Variants in LRRFIP1 observed in about 807,000 individuals in gnomAD.
The protein encoded by LRRFIP1 is LRR binding FLII interacting protein 1, also known as leucine-rich repeat flightless-interacting protein 1.
In LRRFIP1, 62 loss-of-function variants were observed where a neutral mutation model predicts 104.4. That is an observed-to-expected ratio of 0.59 (90% CI 0.48 to 0.73). LRRFIP1 has a LOEUF of 0.73. Ranked by LOEUF, LRRFIP1 falls within the 30% of genes least tolerant of loss-of-function variation. The pLI, the probability that LRRFIP1 is intolerant of heterozygous loss-of-function variation, is 0.00. For missense variants in LRRFIP1, 796 were observed against 824.5 expected (o/e 0.97, Z 0.42); for synonymous variants, 300 against 299.0 (o/e 1.00, Z -0.03).
chr2:237,643,906 T>C (rs2084445840), intron 1 of LRRFIP1, among the ~76,000 whole-genome samples: 1 of 152,234 alleles, frequency 6.6e-6, no homozygotes, highest in Non-Finnish European at 1.5e-5. Flanking sequence ...AGGTGTGGGT[T>C]CTCAGAAATG....
Position 237,649,611 on chromosome 2 carries a change from TG to T in LRRFIP1, c.96+21872del, listed in dbSNP as rs2085565875. 6.6e-6 allele frequency among the ~76,000 whole-genome samples: 1 copy of T among 152,016 alleles called. No homozygotes were observed. Among genetic ancestry groups the T allele is most frequent in the Non-Finnish European group, 1.5e-5 (1 of 67,950 alleles). On this transcript the variant is annotated intron_variant, in intron 1 of 23. Coordinates refer to ENST00000308482, the MANE Select transcript of LRRFIP1 (RefSeq NM_001137550.2). The surrounding 1 kb of genome is among the most constrained non-coding windows in gnomAD (Gnocchi z 4.1). ...CCCAATATAACTTTCACAGGTGTTT[TG>T]TTTTTCTGAGAAGAAGGTGACTTTT...
At position 237,717,007 on chromosome 2, in the gene LRRFIP1, AT is replaced by A. The variant is rs892364820; in HGVS notation, c.202-747del. Among the ~76,000 whole-genome samples the A allele has an allele frequency of 6.6e-6, 1 of 151,046 alleles. No individual in the cohort carries two copies. Among genetic ancestry groups the A allele is most frequent in the South Asian group, 2.1e-4 (1 of 4,806 alleles). ...GTAAACTCTTTTAAAACATTATGAA[AT>A]TTTTTTTGCAATTTTTTTTTTTTAG... On this transcript the variant is annotated intron_variant, in intron 3 of 23. Transcript: ENST00000308482. This position sits in a 1 kb window ranked among gnomAD's most constrained non-coding sequence, Gnocchi z 4.2.
chr2:237,772,999 T>G, intron 22 of LRRFIP1, 54 bp downstream of exon 22: 1 of 1,439,484 alleles, frequency 6.9e-7, no homozygotes, highest in Non-Finnish European at 9.8e-7. Context: ...TTTTACTTGC[T>G]AGAAATAGCC....
chr2:237,727,441 C>A (rs750597981), intron 7 of LRRFIP1, among the ~76,000 whole-genome samples: 21 of 152,088 alleles, frequency 1.4e-4, no homozygotes, highest in Non-Finnish European at 2.5e-4. Flanking sequence ...TTCAAAGACC[C>A]TGAACCAGGA....
chr2:237,662,146 C>T (rs1162325023), intron 1 of LRRFIP1, among the ~76,000 whole-genome samples: 1 of 119,988 alleles, frequency 8.3e-6, no homozygotes, highest in Non-Finnish European at 1.7e-5. Flanking sequence ...TGCTGGCAGC[C>T]CTCGGCCCTC....
At chr2:237,676,849 A>G (rs898767977) in intron 1 of LRRFIP1, among the ~76,000 whole-genome samples, 4 of 152,188 alleles carry the variant, frequency 2.6e-5, no homozygotes, top group African/African-American at 9.7e-5. Context: ...GCCTTCTCTG[A>G]AAGTTTCTCT....
intron 1 of LRRFIP1, among the ~76,000 whole-genome samples, chr2:237,672,855 A>G (rs1301952002): frequency 1.3e-5 from 2 of 152,208 alleles, no homozygotes; most frequent in Non-Finnish European, 2.9e-5. Context: ...TAACCTCTCA[A>G]TTTGAGTCAT....
chr2:237,636,352 C>CTTTTT (rs59582281), intron 1 of LRRFIP1, among the ~76,000 whole-genome samples: 113 of 124,164 alleles, frequency 9.1e-4, no homozygotes, highest in East Asian at 1.4e-3. Flanking sequence ...CCTTTCTTTT[C>CTTTTT]TTTTTTTTTT....
rs138141222 is a variant in LRRFIP1, at chr2:237,758,223, A to AGTGT, written c.1225-487_1225-484dup. Among the ~76,000 whole-genome samples the AGTGT allele has an allele frequency of 1.0e-3, 152 of 149,720 alleles. 1 individual carries two copies. The highest frequency in any genetic ancestry group is 6.9e-3 in the Middle Eastern group (2 of 290). On this transcript the variant is annotated intron_variant, in intron 17 of 23. Coordinates refer to ENST00000308482, the MANE Select transcript of LRRFIP1 (RefSeq NM_001137550.2). ...ACTGTCACGCTCATCAGCACTTAGG[A>AGTGT]GTGTGTGTGTGTGTGTGTGTGTCTG...
Position 237,627,669 on chromosome 2 carries a change from G to C in LRRFIP1, c.25G>C (p.Gly9Arg), listed in dbSNP as rs2081739429. The change falls in exon 1 of 24, where the codon GGG becomes CGG. Residue 9 changes from glycine (G) to arginine (R), a missense_variant. Gly to Arg is a moderately radical substitution (Grantham distance 125, BLOSUM62 -2). Transcript: ENST00000308482. MDMGTQGS[G>R]RKRLPNRERL... ...GATGGACATGGGCACCCAGGGATCG[G>C]GGCGCAAGCGGCTCCCCAACCGGGA... 7.3e-7 allele frequency: 1 copy of C among 1,366,244 alleles called. No homozygotes were observed. Among genetic ancestry groups the C allele is most frequent in the Non-Finnish European group, 9.5e-7 (1 of 1,047,206 alleles). 84.6% of individuals were successfully genotyped at this position (1,366,244 alleles called of 1,614,324 possible).
chr2:237,690,975 C>T (rs925348412), intron 1 of LRRFIP1, among the ~76,000 whole-genome samples: 31 of 150,748 alleles, frequency 2.1e-4, no homozygotes, highest in African/African-American at 6.7e-4. Flanking sequence ...CCCTATCCCT[C>T]CCAAGTCGTC....
chr2:237,687,603 C>CAAAAAAA (rs58549867), intron 1 of LRRFIP1, among the ~76,000 whole-genome samples: 1 of 81,114 alleles, frequency 1.2e-5, no homozygotes, highest in African/African-American at 4.7e-5. Context: ...GACTCCATCT[C>CAAAAAAA]AAAAAAAAAA....
Position 237,735,614 on chromosome 2 carries a change from G to A in LRRFIP1, c.555+281G>A, listed in dbSNP as rs1240229697. The A allele has an allele frequency of 2.7e-5, 10 of 372,478 alleles. No individual in the cohort carries two copies. The highest frequency in any genetic ancestry group is 4.4e-5 in the Non-Finnish European group (9 of 206,388). 23.1% of individuals were successfully genotyped at this position (372,478 alleles called of 1,614,324 possible). ...CACGCCAACCATACTAACAGGTGGT[G>A]AAACCGTCTTCGGTTAATAAAAACG... On this transcript the variant is annotated intron_variant, in intron 10 of 23. Coordinates refer to ENST00000308482, the MANE Select transcript of LRRFIP1 (RefSeq NM_001137550.2). The surrounding 1 kb of genome is among the most constrained non-coding windows in gnomAD (Gnocchi z 4.6).
intron 1 of LRRFIP1, among the ~76,000 whole-genome samples, chr2:237,682,702 C>T (rs2091965513): frequency 6.6e-6 from 1 of 152,234 alleles, no homozygotes; most frequent in African/African-American, 2.4e-5. Context: ...ACCCAGTGAC[C>T]TGCACCTCCT....
chr2:237,655,428 GA>G (rs1305521020), intron 1 of LRRFIP1, among the ~76,000 whole-genome samples: 1 of 148,124 alleles, frequency 6.8e-6, no homozygotes, highest in Non-Finnish European at 1.5e-5. Context: ...TCTTCTAATG[GA>G]AAGAATTTGC....
chr2:237,741,554 G>A (rs1035554592), intron 11 of LRRFIP1, among the ~76,000 whole-genome samples: 4 of 152,152 alleles, frequency 2.6e-5, no homozygotes, highest in African/African-American at 7.2e-5. Flanking sequence ...ATTGCCAGGC[G>A]CGGTGGCTCA....
In LRRFIP1 at chr2:237,760,078, C is replaced by A. The variant is rs764927884; in HGVS notation, c.1332C>A (p.Ile444=). The A allele has an allele frequency of 6.2e-7, 1 of 1,613,556 alleles. No homozygotes were observed. The change falls in exon 19 of 24, where the codon ATC becomes ATA. Residue 444 remains isoleucine (I), a synonymous_variant. Coordinates refer to ENST00000308482, the MANE Select transcript of LRRFIP1 (RefSeq NM_001137550.2). ...LKEELKKHGI[I]LNSEIATNGE... Reference sequence around the variant, plus strand: ...TTTGTTCCCAGAAACATGGAATAATCCTAAATTCAGAAATAGCTACCAATG... The same window carrying A: ...TTTGTTCCCAGAAACATGGAATAATACTAAATTCAGAAATAGCTACCAATG...
intron 11 of LRRFIP1, among the ~76,000 whole-genome samples, chr2:237,747,443 C>T (rs1050552544): frequency 6.6e-6 from 1 of 152,350 alleles, no homozygotes; most frequent in Non-Finnish European, 1.5e-5. Flanking sequence ...ATCTCTCTGA[C>T]ACCCTGACCA....
intron 1 of LRRFIP1, among the ~76,000 whole-genome samples, chr2:237,628,409 A>G (rs967820808): frequency 3.3e-5 from 5 of 150,406 alleles, no homozygotes; most frequent in African/African-American, 1.2e-4. Flanking sequence ...TTGAAGGCGC[A>G]CTAGAATGGG....
Sources: allele counts gnomAD v4.1 joint callset (sites outside exome capture counted in the v4.1 genomes callset), GRCh38; gene constraint gnomAD v4.1.1; non-coding constraint Gnocchi (gnomAD v3.1); transcripts MANE v1.5; gene names NCBI Gene and HGNC (gene_info 2026-07-23, HGNC 2026-07-21).